The following MTAP variants were observed in gnomAD, a reference collection of about 807,000 sequenced individuals.
MTAP encodes methylthioadenosine phosphorylase.
In MTAP, 33 loss-of-function variants were observed where a neutral mutation model predicts 33.6. The ratio of observed to expected loss-of-function variants is 0.98; its 90% CI spans 0.74 to 1.31. The LOEUF is 1.31. Ranked by LOEUF, MTAP falls within the 40% of genes most tolerant of loss-of-function variation. The pLI is 0.00. For synonymous variants in MTAP, 148 were observed against 125.7 expected (o/e 1.18, Z -1.19); for missense variants, 367 against 360.0 (o/e 1.02, Z -0.16).
intron 1 of MTAP, among the ~76,000 whole-genome samples, chr9:21,809,936 G>A (rs1018419502): frequency 1.3e-5 from 2 of 152,240 alleles, no homozygotes; most frequent in African/African-American, 4.8e-5. Context: ...CATTTCAGCA[G>A]GTGAAGTGTG....
intron 4 of MTAP, among the ~76,000 whole-genome samples, chr9:21,822,492 A>G: frequency 6.6e-6 from 1 of 152,034 alleles, no homozygotes; most frequent in Non-Finnish European, 1.5e-5. Context: ...GTGGTCTGAG[A>G]GATAGTTTGT....
At chr9:21,876,455 C>G (rs1189388926) in intron 1 of MTAP, among the ~76,000 whole-genome samples, 2 of 152,018 alleles carry the variant, frequency 1.3e-5, no homozygotes, top group African/African-American at 4.8e-5. Flanking sequence ...TTTCTATGTC[C>G]AGGATGGTAT....
chr9:21,915,021 TTCCTTCCTTCCTTCCTTCCTTCCTTC>T lies in MTAP; in HGVS notation c.148-15986_148-15961del, dbSNP rs1818656786. 1.5e-4 allele frequency among the ~76,000 whole-genome samples: 15 copies of T among 98,986 alleles called. 1 individual carries two copies. In the East Asian group the frequency reaches 1.7e-3, roughly 11 times the overall value. 64.9% of individuals were successfully genotyped at this position (98,986 alleles called of 152,430 possible). A position where few individuals can be genotyped will look rare whatever the true frequency, so the allele number is the denominator to read the frequency against. On this transcript the variant is annotated intron_variant, in intron 1 of 1. Transcript: ENST00000577563. ...TTTCTTTCCTTCCTTCCTTCCTTCCTTCCTTCCTTCCTTCCTTCCTTCCTTCCTTCCTTCCTTTCTTTCTTTCTTTC... is the reference window on the plus strand; with the variant it reads ...TTTCTTTCCTTCCTTCCTTCCTTCCTCTTCCTTCCTTTCTTTCTTTCTTTC...
At chr9:21,861,710 A>T (rs1825756754) in intron 7 of MTAP, 2 of 478,658 alleles carry the variant, frequency 4.2e-6, no homozygotes, top group Non-Finnish European at 7.5e-6. Context: ...CTGGTATGGC[A>T]ATAAGTGATT....
At chr9:21,878,881 A>G (rs185367159) in intron 1 of MTAP, among the ~76,000 whole-genome samples, 1 of 152,278 alleles carries the variant, frequency 6.6e-6, no homozygotes, top group South Asian at 2.1e-4. Context: ...AATTTTTAAA[A>G]TCTTGACTTA....
intron 1 of MTAP, chr9:21,892,730 T>C (rs2118755752): frequency 6.6e-6 from 1 of 152,254 alleles, no homozygotes; most frequent in East Asian, 1.9e-4. Context: ...AGGCAGAGAA[T>C]TAACAAAGAT....
chr9:21,807,342 A>G (rs904063995), intron 1 of MTAP, among the ~76,000 whole-genome samples: 9 of 152,114 alleles, frequency 5.9e-5, no homozygotes, highest in African/African-American at 2.2e-4. Context: ...TGCTGTCTTG[A>G]GTGTGGCCTG....
At chr9:21,845,920 C>T (rs1488815427) in intron 5 of MTAP, among the ~76,000 whole-genome samples, 2 of 152,120 alleles carry the variant, frequency 1.3e-5, no homozygotes, top group African/African-American at 4.8e-5. Flanking sequence ...AGTAGGCATG[C>T]AGACCAGTGG....
chr9:21,832,130 G>A (rs1376713900), intron 4 of MTAP, among the ~76,000 whole-genome samples: 2 of 152,172 alleles, frequency 1.3e-5, no homozygotes, highest in African/African-American at 2.4e-5. Flanking sequence ...GTAGAACTGG[G>A]AGAGGTTCGA....
intron 1 of MTAP, among the ~76,000 whole-genome samples, chr9:21,882,976 G>GAA (rs56365328): frequency 6.6e-6 from 1 of 150,692 alleles, no homozygotes; most frequent in South Asian, 2.1e-4. Flanking sequence ...TTTTCAAAAA[G>GAA]AAAAAAAATT....
At chr9:21,807,625 G>A (rs1824242127) in intron 1 of MTAP, among the ~76,000 whole-genome samples, 1 of 152,148 alleles carries the variant, frequency 6.6e-6, no homozygotes, top group Non-Finnish European at 1.5e-5. Context: ...ACCCCCAGGA[G>A]AGCTGTTTGA....
At chr9:21,940,017 A>G (rs1819110087), downstream of MTAP, among the ~76,000 whole-genome samples, 1 of 152,214 alleles carries the variant, frequency 6.6e-6, no homozygotes, top group African/African-American at 2.4e-5. Context: ...GTGGTGGCTC[A>G]CGCCTGTAAT....
chr9:21,860,698 C>T (rs1222706057), intron 7 of MTAP: 1 of 152,158 alleles, frequency 6.6e-6, no homozygotes, highest in African/African-American at 2.4e-5. Flanking sequence ...AAATGTGACT[C>T]CTACTTGTAC....
At chr9:21,914,332 A>G (rs9298831) in intron 1 of MTAP, among the ~76,000 whole-genome samples, 6,181 of 152,152 alleles carry the variant, frequency 0.041, 342 homozygotes, top group African/African-American at 0.12. Context: ...ACATGCACAC[A>G]TATGTTTATT....
At chr9:21,941,044 T>G, downstream of MTAP, 1 of 969,050 alleles carries the variant, frequency 1.0e-6, no homozygotes, top group Non-Finnish European at 1.2e-6. Context: ...CCTATAGTAA[T>G]ATTTGATTTT....
At chr9:21,923,900 G>T (rs559770051) in intron 1 of MTAP, among the ~76,000 whole-genome samples, 20 of 152,186 alleles carry the variant, frequency 1.3e-4, no homozygotes, top group Non-Finnish European at 2.2e-4. Flanking sequence ...GCCAGCCCAA[G>T]GCTGCAGGTG....
At chr9:21,849,938 A>G (rs953120080) in intron 5 of MTAP, among the ~76,000 whole-genome samples, 3 of 152,256 alleles carry the variant, frequency 2.0e-5, no homozygotes, top group Non-Finnish European at 4.4e-5. Flanking sequence ...TCTGTCCATA[A>G]GGACCACCAG....
chr9:21,839,976 C>T (rs983804071), intron 5 of MTAP, among the ~76,000 whole-genome samples: 2 of 152,198 alleles, frequency 1.3e-5, no homozygotes, highest in African/African-American at 4.8e-5. Context: ...CCTGTAATCC[C>T]AGCACTTTGG....
chr9:21,887,616 G>A (rs1346670947), intron 1 of MTAP, among the ~76,000 whole-genome samples: 4 of 152,034 alleles, frequency 2.6e-5, no homozygotes, highest in Admixed American at 6.6e-5. Flanking sequence ...TAATCCTTTG[G>A]GTATATACCC....
Sources: gnomAD v4.1 joint callset for allele counts (sites outside exome capture counted in the v4.1 genomes callset) on GRCh38, gnomAD v4.1.1 for gene constraint, MANE v1.5 for transcripts, NCBI Gene and HGNC (gene_info 2026-07-23, HGNC 2026-07-21) for gene names.